Variants in AP2A2 observed in about 807,000 individuals in gnomAD.
AP2A2 encodes the protein adaptor related protein complex 2 subunit alpha 2.
In AP2A2, 32 loss-of-function variants were observed where a neutral mutation model predicts 104.2. That is an observed-to-expected ratio of 0.31 (90% CI 0.23 to 0.41). AP2A2 has a LOEUF of 0.41. Among genes scored for constraint, AP2A2 ranks in the 10% least tolerant of loss-of-function variants. The pLI, the probability that AP2A2 is intolerant of heterozygous loss-of-function variation, is 1.00. For synonymous variants in AP2A2, 539 were observed against 533.3 expected (o/e 1.01, Z -0.15); for missense variants, 912 against 1,261.0 (o/e 0.72, Z 4.19).
chr11:1,000,362 G>A (rs1827146502), intron 14 of AP2A2, 70 bp from the exon 15 acceptor site: 2 of 1,489,716 alleles, frequency 1.3e-6, no homozygotes, highest in Non-Finnish European at 1.8e-6. Context: ...AGGACGTGCA[G>A]GCGTGAGCTG....
chr11:981,125 T>A, intron 5 of AP2A2, 73 bp from the exon 6 acceptor site: 1 of 1,364,294 alleles, frequency 7.3e-7, no homozygotes, highest in South Asian at 1.4e-5. Context: ...GTTTAAGGTT[T>A]TCTTTGGAAG....
At chr11:975,675 G>A (rs543106487) in intron 4 of AP2A2, among the ~76,000 whole-genome samples, 1,770 of 147,428 alleles carry the variant, frequency 0.012, 50 homozygotes, top group African/African-American at 0.045. Flanking sequence ...CGACCTCGGA[G>A]AGTAGCGGTG....
At chr11:1,009,274 T>G (rs758115569) in intron 19 of AP2A2, 54 bp from the exon 20 acceptor site, 5 of 1,609,476 alleles carry the variant, frequency 3.1e-6, no homozygotes, top group Admixed American at 1.7e-5. Flanking sequence ...TTTGAAAAGG[T>G]GGGTTTTGGT....
At chr11:944,431 T>A (rs954562096) in intron 1 of AP2A2, among the ~76,000 whole-genome samples, 2 of 152,192 alleles carry the variant, frequency 1.3e-5, no homozygotes, top group African/African-American at 4.8e-5. Flanking sequence ...CAACTCCGTG[T>A]TCACATGGAG....
Position 1,010,700 on chromosome 11 carries a change from G to T in AP2A2, c.*75G>T. 1 of 1,214,474 alleles carries T rather than the reference G, an allele frequency of 8.2e-7. No homozygotes were observed. Among genetic ancestry groups the T allele is most frequent in the Non-Finnish European group, 1.2e-6 (1 of 840,776 alleles). The allele number at this position is 1,214,474 out of a possible 1,614,324, so 75.2% of individuals were successfully genotyped here. On this transcript the variant is annotated 3_prime_UTR_variant, in exon 22 of 22. Transcript: ENST00000448903. ...TGCCGTTTGTCTTCGTGGCCATCCT[G>T]CAGATGAGCACCGTGTCCAGTGCCA...
chr11:928,931 G>A (rs913217602), intron 1 of AP2A2, among the ~76,000 whole-genome samples: 3 of 152,058 alleles, frequency 2.0e-5, no homozygotes, highest in Admixed American at 2.0e-4. Flanking sequence ...CTCTAGGGTG[G>A]CCTCTACAAG....
In AP2A2 at chr11:993,832, C is replaced by G; in HGVS notation, c.1629C>G (p.Thr543=). The change falls in exon 13 of 22, where the codon ACC becomes ACG. Residue 543 remains threonine, a synonymous_variant. Transcript: ENST00000448903. This position sits in a 1 kb window ranked among gnomAD's most constrained non-coding sequence, Gnocchi z 8.2. The stretch of plus-strand genomic sequence containing the variant: ...CCACCCGCGCGCTGCTCCTGTCCAC[C>G]TACATCAAGTTCGTGAACCTCTTCC... The part of the protein sequence containing the change: ...SVPTRALLLS[T]YIKFVNLFPE... The G allele has an allele frequency of 1.2e-6, 2 of 1,609,160 alleles. No homozygotes were observed. Among genetic ancestry groups the G allele is most frequent in the South Asian group, 2.2e-5 (2 of 90,948 alleles).
rs143389463 is a variant in AP2A2, at chr11:958,584, A to G, written c.68-853A>G. On this transcript the variant is annotated intron_variant, in intron 1 of 21. Coordinates refer to ENST00000448903, the MANE Select transcript of AP2A2 (RefSeq NM_012305.4). Reference sequence around the variant, plus strand: ...GGTTGTAATGTCTATCAACAGATAGACTGAATAGATCAGTCTTTCCTGCTT... The same window carrying G: ...GGTTGTAATGTCTATCAACAGATAGGCTGAATAGATCAGTCTTTCCTGCTT... 5.1e-4 allele frequency among the ~76,000 whole-genome samples: 78 copies of G among 152,326 alleles called. 1 individual carries two copies. Among genetic ancestry groups the G allele is most frequent in the African/African-American group, 1.8e-3 (76 of 41,568 alleles).
rs757703015 is a variant in AP2A2, at chr11:993,859, G to T, written c.1656G>T (p.Pro552=). ...ACATCAAGTTCGTGAACCTCTTCCC[G>T]GAGGTGAAGCCCACCATCCAGGACG... ...STYIKFVNLF[P]EVKPTIQDVL... is the part of the protein sequence containing the mutation. The change falls in exon 13 of 22, where the codon CCG becomes CCT. Residue 552 remains proline, a synonymous_variant. Coordinates refer to ENST00000448903, the MANE Select transcript of AP2A2 (RefSeq NM_012305.4). The surrounding 1 kb of genome is among the most constrained non-coding windows in gnomAD (Gnocchi z 8.2). The T allele has an allele frequency of 5.6e-6, 9 of 1,609,652 alleles. No individual in the cohort carries two copies. The highest frequency in any genetic ancestry group is 6.8e-6 in the Non-Finnish European group (8 of 1,179,620).
At chr11:989,892 G>T (rs541454632) in intron 10 of AP2A2, among the ~76,000 whole-genome samples, 8 of 152,336 alleles carry the variant, frequency 5.3e-5, no homozygotes, top group African/African-American at 1.9e-4. Flanking sequence ...CGCCTCCGTT[G>T]TATAGAAAGC....
At chr11:933,247 G>A (rs935974030) in intron 1 of AP2A2, among the ~76,000 whole-genome samples, 3 of 152,058 alleles carry the variant, frequency 2.0e-5, no homozygotes, top group South Asian at 2.1e-4. Context: ...TAGCCAGGGC[G>A]ACAAAGTAAG....
Position 993,803 on chromosome 11 carries a change from G to T in AP2A2, c.1600G>T (p.Val534Phe). 1.2e-6 allele frequency: 2 copies of T among 1,607,128 alleles called. No individual in the cohort carries two copies. The highest frequency in any genetic ancestry group is 8.5e-7 in the Non-Finnish European group (1 of 1,179,222). ...LLHSKFHLCS[V>F]PTRALLLSTY... ...GCACTCCAAGTTCCACCTGTGCAGCGTCCCCACCCGCGCGCTGCTCCTGTC... is the reference window on the plus strand; with the variant it reads ...GCACTCCAAGTTCCACCTGTGCAGCTTCCCCACCCGCGCGCTGCTCCTGTC... Residue 534 changes from valine to phenylalanine, a missense_variant, in exon 13 of 22, where the codon GTC becomes TTC. Physicochemically the swap from Val to Phe is conservative, Grantham distance 50. This residue lies in a region of AP2A2 where 137 missense variants were observed against 186.9 expected (regional missense o/e 0.73). Transcript: ENST00000448903. This position sits in a 1 kb window ranked among gnomAD's most constrained non-coding sequence, Gnocchi z 8.2.
At chr11:939,247 CAAA>C (rs546835879) in intron 1 of AP2A2, among the ~76,000 whole-genome samples, 3 of 51,464 alleles carry the variant, frequency 5.8e-5, no homozygotes, top group Non-Finnish European at 8.3e-5. Flanking sequence ...GACTCTGTCT[CAAA>C]AAAAAAAAAA....
chr11:999,496 C>A lies in AP2A2; in HGVS notation c.1957-936C>A, dbSNP rs560055848. On this transcript the variant is annotated intron_variant, in intron 14 of 21. Coordinates refer to ENST00000448903, the MANE Select transcript of AP2A2 (RefSeq NM_012305.4). ...CCTGGGCAATAGAGTGAGACTGTCT[C>A]AAAAAAAACAAAAACAGAGACAGTC... Among the ~76,000 whole-genome samples the A allele has an allele frequency of 1.1e-4, 17 of 151,388 alleles. 1 individual carries two copies. In the South Asian group the frequency reaches 3.6e-3, roughly 32 times the overall value.
At chr11:1,000,889 G>C (rs924263956) in intron 15 of AP2A2, among the ~76,000 whole-genome samples, 2 of 152,224 alleles carry the variant, frequency 1.3e-5, no homozygotes, top group African/African-American at 2.4e-5. Context: ...GGTGATGTCC[G>C]ATCATGTTTC....
intron 10 of AP2A2, 119 bp downstream of exon 10, chr11:988,808 G>A (rs2133722993): frequency 7.6e-7 from 1 of 1,311,342 alleles, no homozygotes; most frequent in Non-Finnish European, 1.1e-6. Context: ...ATGAGATGCT[G>A]AATACAAGGC....
At chr11:936,077 T>TA (rs996482438) in intron 1 of AP2A2, among the ~76,000 whole-genome samples, 65 of 150,948 alleles carry the variant, frequency 4.3e-4, no homozygotes, top group African/African-American at 1.2e-3. Context: ...AATTTTTTTT[T>TA]TTTTTATTTT....
At chr11:991,498 A>G (rs1255791154) in intron 10 of AP2A2, among the ~76,000 whole-genome samples, 3 of 151,932 alleles carry the variant, frequency 2.0e-5, no homozygotes, top group Non-Finnish European at 4.4e-5. Flanking sequence ...GAGGGGTGGG[A>G]GGTACCTTAG....
chr11:929,342 C>T lies in AP2A2; in HGVS notation c.67+3254C>T, dbSNP rs79961666. Among the ~76,000 whole-genome samples the T allele has an allele frequency of 1.9e-3, 284 of 152,322 alleles. 6 individuals are homozygous for T. In the East Asian group the frequency reaches 0.049, roughly 26 times the overall value. On this transcript the variant is annotated intron_variant, in intron 1 of 21. Transcript: ENST00000448903. ...GAGCCAACAGCCAAGGCTCTTGACC[C>T]TGACTCTGCCTCTTAGCAGCTGCAT...
Sources: allele counts gnomAD v4.1 joint callset (sites outside exome capture counted in the v4.1 genomes callset), GRCh38; gene constraint gnomAD v4.1.1; regional missense constraint gnomAD v4.1.1; non-coding constraint Gnocchi (gnomAD v3.1); transcripts MANE v1.5; gene names NCBI Gene and HGNC (gene_info 2026-07-23, HGNC 2026-07-21).